Variants in ADAMTS17 observed in about 807,000 individuals in gnomAD.
ADAMTS17 encodes the protein ADAM metallopeptidase with thrombospondin type 1 motif 17, also known as A disintegrin and metalloproteinase with thrombospondin motifs 17.
In ADAMTS17, 113 loss-of-function variants were observed where a neutral mutation model predicts 141.5. The observed-to-expected ratio is 0.80, with a 90% CI of 0.69 to 0.93. The LOEUF (loss-of-function observed/expected upper bound fraction) is 0.93. ADAMTS17 is among the 40% of genes least tolerant of loss of function. The pLI, the probability that ADAMTS17 is intolerant of heterozygous loss-of-function variation, is 0.00. For synonymous variants in ADAMTS17, 768 were observed against 630.6 expected (o/e 1.22, Z -3.27); for missense variants, 1,659 against 1,517.9 (o/e 1.09, Z -1.54).
intron 18 of ADAMTS17, among the ~76,000 whole-genome samples, chr15:100,030,790 G>A (rs1370029537): frequency 6.6e-6 from 1 of 152,148 alleles, no homozygotes; most frequent in African/African-American, 2.4e-5. Context: ...GGACCTGCCC[G>A]CAATCTTTTA....
intron 7 of ADAMTS17, among the ~76,000 whole-genome samples, chr15:100,249,940 C>T (rs1231648524): frequency 6.6e-6 from 1 of 152,180 alleles, no homozygotes; most frequent in Non-Finnish European, 1.5e-5. Flanking sequence ...GGGCTGATCG[C>T]CTTCTTCACC....
chr15:100,312,202 T>C lies in ADAMTS17; in HGVS notation c.616+18687A>G, dbSNP rs1265075004. ...TTTGAGATGCACACGTTATCCTGGATTATCTGGGTGGCTTTGATGGGTCTT... is the reference window on the plus strand; with the variant it reads ...TTTGAGATGCACACGTTATCCTGGACTATCTGGGTGGCTTTGATGGGTCTT... On this transcript the variant is annotated intron_variant, in intron 3 of 21. Transcript: ENST00000268070. 5.3e-5 allele frequency among the ~76,000 whole-genome samples: 8 copies of C among 152,330 alleles called. No homozygotes were observed. In the East Asian group the frequency reaches 1.2e-3, roughly 22 times the overall value.
chr15:100,059,397 G>A (rs920657881), intron 15 of ADAMTS17, among the ~76,000 whole-genome samples: 14 of 152,026 alleles, frequency 9.2e-5, no homozygotes, highest in South Asian at 2.1e-4. Flanking sequence ...TGTATCTCCC[G>A]GGGAGAGGAA....
At chr15:100,232,964 G>A (rs189265308) in intron 7 of ADAMTS17, among the ~76,000 whole-genome samples, 1 of 152,340 alleles carries the variant, frequency 6.6e-6, no homozygotes, top group African/African-American at 2.4e-5. Context: ...GGAGAGTATT[G>A]AGGTATTCAG....
At chr15:100,099,718 C>T (rs8042082) in intron 14 of ADAMTS17, among the ~76,000 whole-genome samples, 8,845 of 152,120 alleles carry the variant, frequency 0.058, 463 homozygotes, top group South Asian at 0.16. Flanking sequence ...CAATGTCCCA[C>T]GGCATAATTA....
intron 16 of ADAMTS17, among the ~76,000 whole-genome samples, chr15:100,053,203 G>T (rs775480858): frequency 1.3e-5 from 2 of 152,184 alleles, no homozygotes; most frequent in Non-Finnish European, 2.9e-5. Flanking sequence ...AGAACTCCTG[G>T]ATCTTGAGAC....
chr15:100,114,497 A>G (rs2036988717), intron 13 of ADAMTS17, among the ~76,000 whole-genome samples: 2 of 152,208 alleles, frequency 1.3e-5, no homozygotes, highest in African/African-American at 4.8e-5. Context: ...GGTATTTGAG[A>G]GAAATGAAAC....
intron 3 of ADAMTS17, among the ~76,000 whole-genome samples, chr15:100,311,055 C>CTT (rs913548877): frequency 1.3e-5 from 2 of 152,200 alleles, no homozygotes; most frequent in Non-Finnish European, 2.9e-5. Context: ...AAGGCTAGAC[C>CTT]TTTTTGCAGA....
chr15:100,133,443 G>A (rs1187700633), intron 10 of ADAMTS17, 128 bp from the exon 11 acceptor site: 4 of 847,326 alleles, frequency 4.7e-6, no homozygotes, highest in East Asian at 2.6e-5. Flanking sequence ...AAGCCAGAGG[G>A]TCATAAGTCT....
At chr15:100,306,375 G>A in intron 3 of ADAMTS17, 1 of 414,750 alleles carries the variant, frequency 2.4e-6, no homozygotes, top group Non-Finnish European at 4.8e-6. Context: ...CTCTTGCATT[G>A]GGAGCCCTGG....
At chr15:100,311,502 G>C (rs1045740022) in intron 3 of ADAMTS17, among the ~76,000 whole-genome samples, 8 of 152,154 alleles carry the variant, frequency 5.3e-5, no homozygotes, top group Admixed American at 4.6e-4. Flanking sequence ...GCTCGAGGCA[G>C]ATTTTCCTAT....
At chr15:100,114,174 TTA>T (rs2036968111) in intron 13 of ADAMTS17, among the ~76,000 whole-genome samples, 4 of 147,396 alleles carry the variant, frequency 2.7e-5, no homozygotes, top group Non-Finnish European at 4.5e-5. Context: ...TTTTTTTTTT[TTA>T]AAAAAAGGAA....
intron 3 of ADAMTS17, among the ~76,000 whole-genome samples, chr15:100,318,560 G>C (rs2045636455): frequency 6.6e-6 from 1 of 152,226 alleles, no homozygotes; most frequent in African/African-American, 2.4e-5. Context: ...CTAGTACCTT[G>C]ATCTTGGGCT....
intron 7 of ADAMTS17, among the ~76,000 whole-genome samples, chr15:100,226,650 G>A (rs982617310): frequency 1.3e-5 from 2 of 152,182 alleles, no homozygotes; most frequent in African/African-American, 2.4e-5. Context: ...GAGTGCAGGG[G>A]CTTTCAGCAA....
intron 15 of ADAMTS17, among the ~76,000 whole-genome samples, chr15:100,087,833 G>T (rs945535251): frequency 6.6e-6 from 1 of 152,096 alleles, no homozygotes; most frequent in African/African-American, 2.4e-5. Context: ...TTGATGGGAC[G>T]TATCTCAAAA....
chr15:100,144,774 G>A (rs369669777), intron 10 of ADAMTS17, among the ~76,000 whole-genome samples: 222 of 149,594 alleles, frequency 1.5e-3, no homozygotes, highest in African/African-American at 5.2e-3. Flanking sequence ...TAACACACGC[G>A]TGTCGATGAG....
chr15:100,136,249 C>G (rs937461494), intron 10 of ADAMTS17, among the ~76,000 whole-genome samples: 1 of 150,178 alleles, frequency 6.7e-6, no homozygotes, highest in African/African-American at 2.4e-5. Flanking sequence ...CATTTACATA[C>G]AGTTTAACAA....
intron 15 of ADAMTS17, among the ~76,000 whole-genome samples, chr15:100,073,481 C>G (rs190194380): frequency 0.032 from 4,904 of 151,602 alleles, 263 homozygotes; most frequent in African/African-American, 0.11. Context: ...TATTGCGGCA[C>G]TATTCACAAT....
chr15:100,312,800 C>T (rs2045445363), intron 3 of ADAMTS17, among the ~76,000 whole-genome samples: 1 of 152,164 alleles, frequency 6.6e-6, no homozygotes, highest in African/African-American at 2.4e-5. Context: ...CATACAGTCC[C>T]ATGAGCCTAA....
Sources: gnomAD v4.1 joint callset for allele counts (sites outside exome capture counted in the v4.1 genomes callset) on GRCh38, gnomAD v4.1.1 for gene constraint, MANE v1.5 for transcripts, NCBI Gene and HGNC (gene_info 2026-07-23, HGNC 2026-07-21) for gene names.